Variants in UCHL5 observed in about 807,000 individuals in gnomAD.
The protein encoded by UCHL5 is ubiquitin carboxyl-terminal hydrolase isozyme L5.
In UCHL5, 34 loss-of-function variants were observed where a neutral mutation model predicts 53.8. The ratio of observed to expected loss-of-function variants is 0.63; its 90% CI spans 0.48 to 0.84. UCHL5 has a LOEUF of 0.84. UCHL5 is among the 40% of genes least tolerant of loss of function. UCHL5 has a pLI of 0.00. For synonymous variants in UCHL5, 111 were observed against 126.3 expected (o/e 0.88, Z 0.81); for missense variants, 290 against 385.6 (o/e 0.75, Z 2.08).
chr1:193,056,538 C>A (rs577761119), intron 1 of UCHL5, among the ~76,000 whole-genome samples: 1 of 152,146 alleles, frequency 6.6e-6, no homozygotes, highest in East Asian at 1.9e-4. Context: ...CAGACCATCA[C>A]GGTTTGTTTT....
intron 10 of UCHL5, among the ~76,000 whole-genome samples, chr1:193,019,204 T>C (rs1338291880): frequency 6.6e-6 from 1 of 151,536 alleles, no homozygotes; most frequent in African/African-American, 2.4e-5. Context: ...GCTGGGGATC[T>C]TTAGCCTGAC....
intron 7 of UCHL5, chr1:193,027,749 C>T (rs948427480): frequency 3.6e-5 from 14 of 386,366 alleles, no homozygotes; most frequent in Non-Finnish European, 9.3e-6. Flanking sequence ...TTTAACTTCT[C>T]TAAAGACAAG....
intron 10 of UCHL5, among the ~76,000 whole-genome samples, chr1:193,020,859 C>G (rs1207203637): frequency 1.3e-5 from 2 of 151,846 alleles, no homozygotes; most frequent in Non-Finnish European, 2.9e-5. Context: ...ACAGCATAAC[C>G]TGAGGTCTTG....
intron 6 of UCHL5, 131 bp from the exon 7 acceptor site, chr1:193,028,279 T>G (rs1451216939): frequency 1.5e-6 from 1 of 657,700 alleles, no homozygotes; most frequent in Non-Finnish European, 2.4e-6. Context: ...CTCTTTTTAG[T>G]ATAATTATGT....
In UCHL5 at chr1:193,023,934, A is replaced by C. The variant is rs977687194; in HGVS notation, c.642T>G (p.Gly214=). The part of the protein sequence containing the change: ...IEKRIQKYSE[G]EIRFNLMAIV... ...TGGCCATTAAATTAAATCGAATTTC[A>C]CCTTCACTGTACCTAGAAGAAAATT... Residue 214 remains glycine (G), a synonymous_variant, in exon 8 of 11, where the codon GGT becomes GGG. Transcript: ENST00000367454. 6.2e-7 allele frequency: 1 copy of C among 1,608,678 alleles called. No homozygotes were observed. The highest frequency in any genetic ancestry group is 1.3e-5 in the African/African-American group (1 of 74,834).
At position 193,059,182 on chromosome 1, in the gene UCHL5, C is replaced by T; in HGVS notation, c.76+3G>A. 1 of 1,609,066 alleles carries T rather than the reference C, an allele frequency of 6.2e-7. No individual in the cohort carries two copies. On this transcript the variant is annotated splice_donor_region_variant and intron_variant, in intron 1 of 10. Transcript: ENST00000367454. This position sits in a 1 kb window ranked among gnomAD's most constrained non-coding sequence, Gnocchi z 4.9. ...GGCCCAGGACGGTCCCCTTGGTTCT[C>T]ACCGAATCCTTTAATGAGCTCGGTG...
chr1:193,045,709 A>G (rs1667125510), intron 3 of UCHL5, among the ~76,000 whole-genome samples: 1 of 152,112 alleles, frequency 6.6e-6, no homozygotes, highest in African/African-American at 2.4e-5. Flanking sequence ...ACAAACATAC[A>G]TGGGAAAAAA....
At chr1:193,029,491 T>C in intron 4 of UCHL5, 41 bp downstream of exon 4, 8 of 1,613,184 alleles carry the variant, frequency 5.0e-6, no homozygotes, top group Non-Finnish European at 6.8e-6. Flanking sequence ...ATACAAACTT[T>C]CACAAATATG....
At chr1:193,044,072 G>A (rs975185702) in intron 3 of UCHL5, among the ~76,000 whole-genome samples, 2 of 152,198 alleles carry the variant, frequency 1.3e-5, no homozygotes, top group Admixed American at 6.5e-5. Context: ...AGAGGTGAAG[G>A]TGGTCTTGGT....
chr1:193,051,926 T>C (rs1669179934), intron 1 of UCHL5, 109 bp from the exon 2 acceptor site: 1 of 728,662 alleles, frequency 1.4e-6, no homozygotes, highest in East Asian at 2.7e-5. Context: ...AACAAAATGG[T>C]AAAACTAATA....
intron 3 of UCHL5, among the ~76,000 whole-genome samples, chr1:193,045,872 A>C (rs1667172325): frequency 6.6e-6 from 1 of 152,250 alleles, no homozygotes; most frequent in African/African-American, 2.4e-5. Flanking sequence ...ATTTTTAAAA[A>C]GGAGAAAAAT....
chr1:193,057,817 C>T (rs1030352341), intron 1 of UCHL5, among the ~76,000 whole-genome samples: 1 of 152,262 alleles, frequency 6.6e-6, no homozygotes, highest in Non-Finnish European at 1.5e-5. Flanking sequence ...GGCTGTGCTC[C>T]TCCATGACCT....
In UCHL5 at chr1:193,022,922, A is replaced by T. The variant is rs757847278; in HGVS notation, c.843+4T>A. ...ATTAAAGGAACACATTTTTAAAAAC[A>T]TACCTTGTATCTTTTTAATTTCTGT... On this transcript the variant is annotated splice_donor_region_variant and intron_variant, in intron 9 of 10. Transcript: ENST00000367454. The T allele has an allele frequency of 1.3e-6, 2 of 1,596,104 alleles. No homozygotes were observed. The highest frequency in any genetic ancestry group is 1.7e-6 in the Non-Finnish European group (2 of 1,164,970).
chr1:193,039,937 T>A (rs1056313752), intron 3 of UCHL5, among the ~76,000 whole-genome samples: 1 of 152,188 alleles, frequency 6.6e-6, no homozygotes, highest in Middle Eastern at 3.4e-3. Context: ...GAAAACTGGA[T>A]AACCATTGCA....
chr1:193,033,852 G>A (rs888319022), intron 3 of UCHL5, among the ~76,000 whole-genome samples: 1 of 152,110 alleles, frequency 6.6e-6, no homozygotes, highest in Non-Finnish European at 1.5e-5. Flanking sequence ...AGGAACTAGA[G>A]AATAGAGAAG....
chr1:193,043,151 T>TTAAAAAAAAAAACA (rs1553255148), intron 3 of UCHL5, among the ~76,000 whole-genome samples: 1 of 36,376 alleles, frequency 2.7e-5, no homozygotes, highest in African/African-American at 8.3e-5. Flanking sequence ...TCTTGAATAT[T>TTAAAAAAAAAAACA]AAAAAAAAAA....
At chr1:193,059,426 G>C (rs977443312), upstream of UCHL5, 1 of 1,610,650 alleles carries the variant, frequency 6.2e-7, no homozygotes, top group African/African-American at 1.3e-5. This position sits in a 1 kb window ranked among gnomAD's most constrained non-coding sequence, Gnocchi z 4.9. Context: ...CAGCGCGACT[G>C]AGCGCGGGAG....
At position 193,059,149 on chromosome 1, in the gene UCHL5, T is replaced by C. The variant is rs1223618368; in HGVS notation, c.76+36A>G. On this transcript the variant is annotated intron_variant, in intron 1 of 10. Transcript: ENST00000367454. This position sits in a 1 kb window ranked among gnomAD's most constrained non-coding sequence, Gnocchi z 4.9. ...CATGCCCAGCTTGGGCCTCCTCCCG[T>C]GACCCCAGGCCCAGGACGGTCCCCT... 5 of 1,511,002 alleles carry C rather than the reference T, an allele frequency of 3.3e-6. No homozygotes were observed. The highest frequency in any genetic ancestry group is 3.9e-4 in the Middle Eastern group (2 of 5,064). 93.6% of individuals were successfully genotyped at this position (1,511,002 alleles called of 1,614,324 possible).
upstream of UCHL5, chr1:193,059,784 C>A (rs775232023): frequency 1.5e-5 from 20 of 1,356,796 alleles, no homozygotes; most frequent in South Asian, 2.3e-4. This position sits in a 1 kb window ranked among gnomAD's most constrained non-coding sequence, Gnocchi z 4.9. Context: ...CAGGTGAGGA[C>A]ATTGCGGGAG....
Sources: gnomAD v4.1 joint callset for allele counts (sites outside exome capture counted in the v4.1 genomes callset) on GRCh38, gnomAD v4.1.1 for gene constraint, Gnocchi (gnomAD v3.1) non-coding constraint, MANE v1.5 for transcripts, NCBI Gene and HGNC (gene_info 2026-07-23, HGNC 2026-07-21) for gene names.